Variants in VWA3A observed in about 807,000 individuals in gnomAD.
VWA3A encodes the protein von Willebrand factor A domain containing 3A.
A neutral mutation model predicts 160.4 loss-of-function variants in VWA3A; 134 were observed. That is an observed-to-expected ratio of 0.84 (90% confidence interval 0.73 to 0.96). VWA3A has a LOEUF of 0.96. VWA3A is among the 40% of genes least tolerant of loss of function. The probability of loss-of-function intolerance (pLI) is 0.00; values close to 1 mark genes in which losing one functional copy is unlikely to be tolerated. For missense variants in VWA3A, 1,310 were observed against 1,447.9 expected (o/e 0.90, Z 1.55); for synonymous variants, 476 against 543.4 (o/e 0.88, Z 1.72).
At chr16:22,110,839 T>C in intron 7 of VWA3A, 49 bp from the exon 8 acceptor site, 2 of 1,533,868 alleles carry the variant, frequency 1.3e-6, no homozygotes, top group Admixed American at 2.0e-5. Context: ...AAAGCCAGGC[T>C]CCCGATTCCC....
At chr16:22,119,071 A>G in intron 12 of VWA3A, 44 bp downstream of exon 12, 1 of 1,559,470 alleles carries the variant, frequency 6.4e-7, no homozygotes, top group Non-Finnish European at 8.7e-7. Flanking sequence ...TCCCAGCAGC[A>G]CTCAGCTGGC....
At chr16:22,138,071 C>T (rs1385489876) in intron 21 of VWA3A, among the ~76,000 whole-genome samples, 4 of 152,184 alleles carry the variant, frequency 2.6e-5, no homozygotes, top group Non-Finnish European at 4.4e-5. Flanking sequence ...GGAGACGACA[C>T]ACCTACCCTA....
chr16:22,125,093 C>T (rs1157496491), intron 16 of VWA3A, among the ~76,000 whole-genome samples: 1 of 151,906 alleles, frequency 6.6e-6, no homozygotes, highest in Non-Finnish European at 1.5e-5. Context: ...AGACCCCAAC[C>T]TATGGCGGGC....
At chr16:22,119,097 C>T in intron 12 of VWA3A, 70 bp downstream of exon 12, 2 of 1,518,614 alleles carry the variant, frequency 1.3e-6, no homozygotes, top group East Asian at 2.5e-5. Context: ...TCCCCTTTCT[C>T]ACCTGTTCAT....
intron 16 of VWA3A, among the ~76,000 whole-genome samples, chr16:22,125,214 CAA>C (rs1182938603): frequency 8.1e-5 from 7 of 86,096 alleles, no homozygotes; most frequent in Non-Finnish European, 1.0e-4. Flanking sequence ...CTGGTCTCTA[CAA>C]AAAAAAAAAA....
intron 8 of VWA3A, among the ~76,000 whole-genome samples, chr16:22,112,596 A>G (rs2045568640): frequency 6.6e-6 from 1 of 152,134 alleles, no homozygotes; most frequent in African/African-American, 2.4e-5. Context: ...GCATGTGCCT[A>G]TAGTCCCAGC....
chr16:22,093,486 T>C (rs930818294), intron 1 of VWA3A, among the ~76,000 whole-genome samples: 1 of 152,198 alleles, frequency 6.6e-6, no homozygotes, highest in Non-Finnish European at 1.5e-5. Flanking sequence ...GTCCTGTTCA[T>C]GTCTATCTCC....
At position 22,140,137 on chromosome 16, in the gene VWA3A, G is replaced by C. The variant is rs748060192; in HGVS notation, c.2293-17G>C. 6 of 1,610,856 alleles carry C rather than the reference G, an allele frequency of 3.7e-6. No individual in the cohort carries two copies. Among genetic ancestry groups the C allele is most frequent in the Non-Finnish European group, 5.1e-6 (6 of 1,178,020 alleles). ...CAGGGAACACTCCTCTGATGGGAAA[G>C]ATTGCCTGTTTTCTAGAGCATTAAA... On this transcript the variant is annotated splice_polypyrimidine_tract_variant and intron_variant, in intron 22 of 33. Transcript: ENST00000389398.
At chr16:22,101,342 G>T (rs1028848583) in intron 5 of VWA3A, among the ~76,000 whole-genome samples, 7 of 152,204 alleles carry the variant, frequency 4.6e-5, no homozygotes, top group Non-Finnish European at 8.8e-5. Flanking sequence ...GACTTTCAAT[G>T]TCAAATTGAT....
At position 22,142,699 on chromosome 16, in the gene VWA3A, G is replaced by C. The variant is rs910565250; in HGVS notation, c.2526G>C (p.Arg842Ser). 8.5e-5 allele frequency: 133 copies of C among 1,573,770 alleles called. No individual in the cohort carries two copies. Among genetic ancestry groups the C allele is most frequent in the Non-Finnish European group, 1.1e-4 (131 of 1,158,722 alleles). Residue 842 changes from arginine (R) to serine (S), a missense_variant, in exon 25 of 34, where the codon AGG becomes AGC. Coordinates refer to ENST00000389398, the MANE Select transcript of VWA3A (RefSeq NM_173615.5). Reference sequence around the variant, plus strand: ...TGTACAAGAAGTACCCTCAAGGAAGGGGCTTGAGAAGGACTAGCTCTTCTA... The same window carrying C: ...TGTACAAGAAGTACCCTCAAGGAAGCGGCTTGAGAAGGACTAGCTCTTCTA... ...GSVYKKYPQG[R>S]GLRRTSSSID...
intron 17 of VWA3A, among the ~76,000 whole-genome samples, chr16:22,127,779 C>T (rs550089651): frequency 7.6e-4 from 115 of 152,234 alleles, no homozygotes; most frequent in African/African-American, 2.7e-3. Context: ...AACTCATCCT[C>T]GAGGAACTCA....
At chr16:22,097,878 A>G (rs1318890612) in intron 3 of VWA3A, among the ~76,000 whole-genome samples, 183 bp downstream of exon 3, 1 of 152,216 alleles carries the variant, frequency 6.6e-6, no homozygotes, top group Non-Finnish European at 1.5e-5. Context: ...TACTGTTTAT[A>G]TAGAAATTGT....
chr16:22,100,756 G>T (rs549611553), intron 5 of VWA3A, among the ~76,000 whole-genome samples: 2 of 151,020 alleles, frequency 1.3e-5, no homozygotes, highest in Non-Finnish European at 2.9e-5. Flanking sequence ...CAGGAGAATC[G>T]CTTGAACTCG....
chr16:22,117,294 T>G, intron 11 of VWA3A, 118 bp downstream of exon 11: 1 of 1,077,484 alleles, frequency 9.3e-7, no homozygotes, highest in South Asian at 1.6e-5. Flanking sequence ...TTTCTCCTTG[T>G]CCCCACCTGT....
At chr16:22,150,253 T>C (rs1294598555) in intron 29 of VWA3A, among the ~76,000 whole-genome samples, 1 of 152,058 alleles carries the variant, frequency 6.6e-6, no homozygotes, top group Non-Finnish European at 1.5e-5. Flanking sequence ...TACAAAAGAT[T>C]AGCCGGGCGT....
At chr16:22,124,440 A>C (rs866599565) in intron 16 of VWA3A, among the ~76,000 whole-genome samples, 1 of 150,876 alleles carries the variant, frequency 6.6e-6, no homozygotes, top group Non-Finnish European at 1.5e-5. Context: ...GGGAGAAACA[A>C]TAGTTATCTA....
At chr16:22,126,626 G>A (rs1027100060) in intron 17 of VWA3A, among the ~76,000 whole-genome samples, 1 of 152,256 alleles carries the variant, frequency 6.6e-6, no homozygotes, top group Non-Finnish European at 1.5e-5. Context: ...CCCCAGCCAT[G>A]CCCTAGTGTC....
chr16:22,093,782 T>C (rs1407110162), intron 1 of VWA3A, among the ~76,000 whole-genome samples: 1 of 152,142 alleles, frequency 6.6e-6, no homozygotes, highest in Non-Finnish European at 1.5e-5. Flanking sequence ...TTCGTTTGTT[T>C]GAGACAGAGT....
At chr16:22,129,469 G>A (rs1293849247) in intron 17 of VWA3A, among the ~76,000 whole-genome samples, 2 of 151,780 alleles carry the variant, frequency 1.3e-5, no homozygotes, top group Non-Finnish European at 2.9e-5. Flanking sequence ...TCTACAGAAT[G>A]TCATCACTGG....
Sources: gnomAD v4.1 joint callset for allele counts (sites outside exome capture counted in the v4.1 genomes callset) on GRCh38, gnomAD v4.1.1 for gene constraint, MANE v1.5 for transcripts, NCBI Gene and HGNC (gene_info 2026-07-23, HGNC 2026-07-21) for gene names.